The following ARB2A variants were observed in gnomAD, a reference collection of about 807,000 sequenced individuals.
ARB2A encodes cotranscriptional regulator ARB2A.
the ARB2A span, among the ~76,000 whole-genome samples, chr5:93,854,074 A>G: frequency 1.0e-3 from 155 of 152,224 alleles, no homozygotes; most frequent in African/African-American, 3.6e-3. Flanking sequence ...TTGGCTCTGA[A>G]TCCATCTGGT....
chr5:93,631,344 A>C, the ARB2A span, among the ~76,000 whole-genome samples: 1 of 152,120 alleles, frequency 6.6e-6, no homozygotes, highest in Non-Finnish European at 1.5e-5. Flanking sequence ...CTGTTATAGA[A>C]ATGTTTTGTT....
the ARB2A span, among the ~76,000 whole-genome samples, chr5:93,979,519 G>A: frequency 6.6e-6 from 1 of 151,968 alleles, no homozygotes; most frequent in Non-Finnish European, 1.5e-5. Context: ...AGCAAATGTT[G>A]ATGCTCAAAT....
chr5:93,911,019 T>A, the ARB2A span: 9 of 151,604 alleles, frequency 5.9e-5, no homozygotes, highest in African/African-American at 2.2e-4. Context: ...GACAGCGTTC[T>A]CTAGCTTAAC....
At chr5:94,071,666 C>T in the ARB2A span, among the ~76,000 whole-genome samples, 1 of 152,064 alleles carries the variant, frequency 6.6e-6, no homozygotes, top group Non-Finnish European at 1.5e-5. Flanking sequence ...AGTGAGATAT[C>T]ACTATGTACC....
chr5:93,686,995 GA>G, the ARB2A span, among the ~76,000 whole-genome samples: 1 of 151,810 alleles, frequency 6.6e-6, no homozygotes, highest in Non-Finnish European at 1.5e-5. Context: ...CGTTGGCTTA[GA>G]AAAAAACCTT....
At chr5:93,853,698 T>C in the ARB2A span, among the ~76,000 whole-genome samples, 1 of 152,252 alleles carries the variant, frequency 6.6e-6, no homozygotes, top group Non-Finnish European at 1.5e-5. Context: ...AGGCCTTTTC[T>C]GCATCTATTG....
chr5:93,811,764 T>C, the ARB2A span, among the ~76,000 whole-genome samples: 3 of 152,166 alleles, frequency 2.0e-5, no homozygotes, highest in Non-Finnish European at 4.4e-5. Context: ...TTGCTTAGGA[T>C]AGTGCCCGGT....
the ARB2A span, among the ~76,000 whole-genome samples, chr5:94,074,257 T>C: frequency 2.0e-5 from 3 of 152,188 alleles, no homozygotes; most frequent in Admixed American, 2.0e-4. Context: ...TCATAAAATA[T>C]CAGTAATGCC....
At chr5:94,048,735 C>A in the ARB2A span, among the ~76,000 whole-genome samples, 1 of 152,184 alleles carries the variant, frequency 6.6e-6, no homozygotes, top group African/African-American at 2.4e-5. Flanking sequence ...TATTAGCAAT[C>A]CTTTGCCATC....
the ARB2A span, among the ~76,000 whole-genome samples, chr5:94,052,345 T>A: frequency 2.6e-5 from 4 of 152,304 alleles, no homozygotes; most frequent in African/African-American, 9.6e-5. Context: ...AAAATTAATA[T>A]CAGAGAAAAG....
chr5:93,751,506 T>C, the ARB2A span, among the ~76,000 whole-genome samples: 27,506 of 152,100 alleles, frequency 0.18, 2,831 homozygotes, highest in Middle Eastern at 0.28. Flanking sequence ...TAAATAGAAA[T>C]ATTTTCCTTT....
the ARB2A span, among the ~76,000 whole-genome samples, chr5:94,044,300 G>C: frequency 6.6e-6 from 1 of 152,154 alleles, no homozygotes; most frequent in South Asian, 2.1e-4. Flanking sequence ...TGTACTCTTT[G>C]TGTAGGAATG....
At chr5:93,935,839 C>T in the ARB2A span, among the ~76,000 whole-genome samples, 1 of 151,906 alleles carries the variant, frequency 6.6e-6, no homozygotes, top group Non-Finnish European at 1.5e-5. Flanking sequence ...TTTTATGATG[C>T]CGTTATTTTG....
the ARB2A span, among the ~76,000 whole-genome samples, chr5:93,795,409 C>T: frequency 2.0e-5 from 3 of 152,138 alleles, no homozygotes; most frequent in African/African-American, 7.2e-5. Flanking sequence ...CGCAGACTCA[C>T]AGTTTTTCAG....
chr5:93,643,308 A>G, the ARB2A span, among the ~76,000 whole-genome samples: 3 of 152,122 alleles, frequency 2.0e-5, no homozygotes, highest in African/African-American at 7.2e-5. Context: ...GAGGGTAGGG[A>G]GTCCCTGGGG....
the ARB2A span, among the ~76,000 whole-genome samples, chr5:93,705,609 ATGTGTG>A: frequency 0.013 from 1,703 of 128,788 alleles, 28 homozygotes; most frequent in Non-Finnish European, 0.014. Context: ...TTGGGAAAAA[ATGTGTG>A]TGTGTGTGTG....
the ARB2A span, among the ~76,000 whole-genome samples, chr5:93,948,529 C>T: frequency 2.0e-5 from 3 of 151,914 alleles, no homozygotes; most frequent in African/African-American, 7.3e-5. Flanking sequence ...TCCCATTTGT[C>T]AATTTTGGCT....
At chr5:93,957,013 G>A in the ARB2A span, among the ~76,000 whole-genome samples, 13 of 152,116 alleles carry the variant, frequency 8.5e-5, no homozygotes, top group Non-Finnish European at 1.8e-4. Context: ...AAGGAATCAT[G>A]AATTGCCATT....
At chr5:93,698,728 A>G in the ARB2A span, among the ~76,000 whole-genome samples, 4 of 152,230 alleles carry the variant, frequency 2.6e-5, no homozygotes, top group African/African-American at 9.6e-5. Flanking sequence ...ATTACATTTT[A>G]TTTAACATTC....
Sources: gnomAD v4.1 joint callset for allele counts (sites outside exome capture counted in the v4.1 genomes callset) on GRCh38, gnomAD v4.1.1 for gene constraint, MANE v1.5 for transcripts, NCBI Gene and HGNC (gene_info 2026-07-23, HGNC 2026-07-21) for gene names.